LRRTM3: variants seen among roughly 807,000 people sequenced by gnomAD.
LRRTM3 encodes leucine rich repeat transmembrane neuronal 3, also known as leucine-rich repeat transmembrane neuronal protein 3.
A neutral mutation model predicts 44.7 loss-of-function variants in LRRTM3; 24 were observed. That is an observed-to-expected ratio of 0.54 (90% CI 0.39 to 0.76). LRRTM3 has a LOEUF of 0.76. LRRTM3 is among the 30% of genes least tolerant of loss of function. The pLI is 0.00. For synonymous variants in LRRTM3, 277 were observed against 278.7 expected (o/e 0.99, Z 0.06); for missense variants, 587 against 702.2 (o/e 0.84, Z 1.85).
intron 2 of LRRTM3, among the ~76,000 whole-genome samples, chr10:67,077,920 G>A (rs1564875598): frequency 6.6e-6 from 1 of 152,100 alleles, no homozygotes; most frequent in Non-Finnish European, 1.5e-5. Flanking sequence ...GGAAGGGAAG[G>A]GGACAGAGAG....
intron 2 of LRRTM3, among the ~76,000 whole-genome samples, chr10:66,993,747 G>A (rs745564732): frequency 1.7e-4 from 26 of 149,008 alleles, no homozygotes; most frequent in African/African-American, 2.9e-4. Context: ...CCTGTATTTC[G>A]GATTATGTGG....
intron 2 of LRRTM3, among the ~76,000 whole-genome samples, chr10:67,073,910 T>C (rs1247838364): frequency 6.6e-6 from 1 of 152,190 alleles, no homozygotes; most frequent in Non-Finnish European, 1.5e-5. Flanking sequence ...GTTAAGTAAC[T>C]TTTGACCAAT....
intron 2 of LRRTM3, among the ~76,000 whole-genome samples, chr10:66,942,436 T>C (rs890214058): frequency 2.0e-5 from 3 of 152,144 alleles, no homozygotes; most frequent in African/African-American, 7.2e-5. Context: ...AAAAATTCTG[T>C]TGTTAGTATT....
At chr10:67,015,891 T>C (rs999540169) in intron 2 of LRRTM3, among the ~76,000 whole-genome samples, 2 of 152,138 alleles carry the variant, frequency 1.3e-5, no homozygotes, top group African/African-American at 4.8e-5. Context: ...GTATCTATGC[T>C]TGTGACTTTG....
intron 2 of LRRTM3, among the ~76,000 whole-genome samples, chr10:67,071,712 T>C (rs1326628365): frequency 6.6e-6 from 1 of 152,202 alleles, no homozygotes; most frequent in Non-Finnish European, 1.5e-5. Context: ...CCCCGTGTAT[T>C]CTCTCCTCTC....
intron 2 of LRRTM3, among the ~76,000 whole-genome samples, chr10:66,948,204 A>G (rs950150240): frequency 2.0e-5 from 3 of 152,202 alleles, no homozygotes; most frequent in Non-Finnish European, 2.9e-5. Flanking sequence ...GAAATTCTCA[A>G]ATTATGCCCA....
intron 2 of LRRTM3, among the ~76,000 whole-genome samples, chr10:66,933,160 A>T (rs1847504557): frequency 1.3e-5 from 2 of 152,248 alleles, no homozygotes; most frequent in Non-Finnish European, 2.9e-5. Context: ...CATGAGCCAA[A>T]AAGAAATCAG....
At position 67,097,570 on chromosome 10, in the gene LRRTM3, A is replaced by G. The variant is rs775447244; in HGVS notation, c.1537-17A>G. ...CATATTTTTATAACTGACTTTTCTCATGTCATTTTTCCCCAGATACCTTTA... is the reference window on the plus strand; with the variant it reads ...CATATTTTTATAACTGACTTTTCTCGTGTCATTTTTCCCCAGATACCTTTA... On this transcript the variant is annotated splice_polypyrimidine_tract_variant and intron_variant, in intron 2 of 2. Transcript: ENST00000361320. 1.2e-6 allele frequency: 2 copies of G among 1,608,084 alleles called. No homozygotes were observed. Among genetic ancestry groups the G allele is most frequent in the Admixed American group, 1.7e-5 (1 of 59,762 alleles).
chr10:67,056,600 A>G (rs1855446737), intron 2 of LRRTM3, among the ~76,000 whole-genome samples: 1 of 152,178 alleles, frequency 6.6e-6, no homozygotes, highest in South Asian at 2.1e-4. Flanking sequence ...TAAAATATCC[A>G]CATTCCTAAG....
At chr10:67,058,097 C>G (rs191756822) in intron 2 of LRRTM3, among the ~76,000 whole-genome samples, 1 of 152,244 alleles carries the variant, frequency 6.6e-6, no homozygotes, top group Admixed American at 6.5e-5. Context: ...ATGCTGGTGT[C>G]TCTTCACTAT....
chr10:67,008,343 C>T lies in LRRTM3; in HGVS notation c.1536+79891C>T, dbSNP rs77378784. Among the ~76,000 whole-genome samples, 1,197 of 152,092 alleles carry T rather than the reference C, an allele frequency of 7.9e-3. 41 individuals carry two copies. The East Asian group carries it at 0.11, about 14-fold the overall frequency. Reference sequence around the variant, plus strand: ...CATAGTGCTCATGGTTTTTAATTTTCGTTCTGAATTTACATTGATTAAAGA... The same window carrying T: ...CATAGTGCTCATGGTTTTTAATTTTTGTTCTGAATTTACATTGATTAAAGA... On this transcript the variant is annotated intron_variant, in intron 2 of 2. Coordinates refer to ENST00000361320, the MANE Select transcript of LRRTM3 (RefSeq NM_178011.5).
intron 2 of LRRTM3, among the ~76,000 whole-genome samples, chr10:67,072,173 C>T (rs1856502814): frequency 6.6e-6 from 1 of 152,098 alleles, no homozygotes; most frequent in Non-Finnish European, 1.5e-5. Context: ...AGGCTGGTCT[C>T]GAACTGCTGG....
intron 2 of LRRTM3, among the ~76,000 whole-genome samples, chr10:67,045,426 G>A (rs1854667954): frequency 6.6e-6 from 1 of 151,956 alleles, no homozygotes; most frequent in South Asian, 2.1e-4. Flanking sequence ...TTTTGTTGTT[G>A]TTGTTTGTTG....
At chr10:66,984,609 C>T (rs1244462693) in intron 2 of LRRTM3, among the ~76,000 whole-genome samples, 1 of 152,060 alleles carries the variant, frequency 6.6e-6, no homozygotes, top group Non-Finnish European at 1.5e-5. Flanking sequence ...GTTCATGATT[C>T]CTTTTAATAT....
intron 2 of LRRTM3, among the ~76,000 whole-genome samples, chr10:67,014,348 A>G (rs2133050227): frequency 1.3e-5 from 2 of 152,280 alleles, no homozygotes; most frequent in East Asian, 3.9e-4. Context: ...CTTGGCTTCT[A>G]TTTACAGCTT....
intron 2 of LRRTM3, among the ~76,000 whole-genome samples, chr10:67,085,244 A>T (rs1435313812): frequency 6.6e-6 from 1 of 152,082 alleles, no homozygotes; most frequent in Middle Eastern, 3.4e-3. Context: ...AATTGTCTAC[A>T]TATATATGTG....
intron 2 of LRRTM3, among the ~76,000 whole-genome samples, chr10:67,005,682 C>CATTTTTTTTTTTTTTTT (rs1851926884): frequency 3.2e-5 from 2 of 61,976 alleles, no homozygotes; most frequent in Non-Finnish European, 5.9e-5. Context: ...TTTACTCCAT[C>CATTTTTTTTTTTTTTTT]TTTTTTTTTT....
At chr10:67,038,756 T>A (rs1016511142) in intron 2 of LRRTM3, among the ~76,000 whole-genome samples, 1 of 152,036 alleles carries the variant, frequency 6.6e-6, no homozygotes, top group Non-Finnish European at 1.5e-5. Flanking sequence ...GAACCAGGAG[T>A]TCAATATGAG....
intron 2 of LRRTM3, among the ~76,000 whole-genome samples, chr10:66,982,768 T>C (rs1422971804): frequency 6.6e-6 from 1 of 152,094 alleles, no homozygotes; most frequent in Non-Finnish European, 1.5e-5. Flanking sequence ...GCAAATAGAT[T>C]AAAATGTCAA....
Sources: gnomAD v4.1 joint callset for allele counts (sites outside exome capture counted in the v4.1 genomes callset) on GRCh38, gnomAD v4.1.1 for gene constraint, MANE v1.5 for transcripts, NCBI Gene and HGNC (gene_info 2026-07-23, HGNC 2026-07-21) for gene names.